PCDH9: variants seen among roughly 807,000 people sequenced by gnomAD.
PCDH9 encodes protocadherin 9, also known as protocadherin-9.
Under a neutral mutation model 70.6 loss-of-function variants are expected in PCDH9, and 24 were observed. That is an observed-to-expected ratio of 0.34 (90% CI 0.25 to 0.48). PCDH9 has a LOEUF of 0.48. Ranked by LOEUF, PCDH9 falls within the 20% of genes least tolerant of loss-of-function variation. The probability of loss-of-function intolerance (pLI) is 0.99; values close to 1 mark genes in which losing one functional copy is unlikely to be tolerated. For missense variants in PCDH9, 1,281 were observed against 1,503.6 expected (o/e 0.85, Z 2.45); for synonymous variants, 562 against 558.5 (o/e 1.01, Z -0.09).
chr13:67,038,370 T>C (rs2085048955), intron 2 of PCDH9, among the ~76,000 whole-genome samples: 1 of 152,180 alleles, frequency 6.6e-6, no homozygotes. Context: ...TTAAGATCAC[T>C]ATAGGCTTGA....
At chr13:67,188,047 G>A (rs1018629105) in intron 2 of PCDH9, among the ~76,000 whole-genome samples, 6 of 152,102 alleles carry the variant, frequency 3.9e-5, no homozygotes, top group African/African-American at 1.4e-4. Flanking sequence ...AATTTCAAGA[G>A]TATAATAGAA....
At chr13:67,063,409 G>A (rs2085577667) in intron 2 of PCDH9, among the ~76,000 whole-genome samples, 1 of 152,024 alleles carries the variant, frequency 6.6e-6, no homozygotes, top group South Asian at 2.1e-4. Flanking sequence ...TTGGGGAGGT[G>A]CTTTAACTAC....
At chr13:66,700,491 G>A (rs1004249478) in intron 3 of PCDH9, among the ~76,000 whole-genome samples, 1 of 152,122 alleles carries the variant, frequency 6.6e-6, no homozygotes, top group Admixed American at 6.6e-5. Flanking sequence ...GTAGCAGTCT[G>A]AGCCTATTAC....
intron 2 of PCDH9, among the ~76,000 whole-genome samples, chr13:67,199,296 T>C (rs1200540528): frequency 2.0e-5 from 3 of 151,786 alleles, no homozygotes; most frequent in Admixed American, 6.6e-5. Context: ...AAATTGAAGA[T>C]AAACTAAATT....
chr13:66,327,079 G>A (rs755005925), intron 4 of PCDH9, among the ~76,000 whole-genome samples: 2 of 151,742 alleles, frequency 1.3e-5, no homozygotes, highest in African/African-American at 2.4e-5. Context: ...TTTAAAATAC[G>A]CTTTTGTATA....
chr13:66,422,510 A>G (rs1211014684), intron 4 of PCDH9, among the ~76,000 whole-genome samples: 3 of 152,204 alleles, frequency 2.0e-5, no homozygotes, highest in Admixed American at 6.5e-5. Context: ...CTCATTAAAA[A>G]CTGCACAACT....
At chr13:66,561,800 AG>A (rs1316699393) in intron 4 of PCDH9, among the ~76,000 whole-genome samples, 1 of 152,108 alleles carries the variant, frequency 6.6e-6, no homozygotes, top group African/African-American at 2.4e-5. Context: ...ACCAATCAGC[AG>A]GATGTGGGTG....
At chr13:66,960,106 C>T (rs1484755842) in intron 2 of PCDH9, among the ~76,000 whole-genome samples, 6 of 152,102 alleles carry the variant, frequency 3.9e-5, no homozygotes, top group Non-Finnish European at 2.9e-5. Flanking sequence ...AAGAAAGATC[C>T]GTTTTTAAAT....
chr13:66,755,150 G>A (rs1373642037), intron 3 of PCDH9, among the ~76,000 whole-genome samples: 3 of 152,132 alleles, frequency 2.0e-5, no homozygotes, highest in African/African-American at 7.2e-5. Flanking sequence ...ATTTTGCTGA[G>A]CCTAGAGCTG....
intron 4 of PCDH9, among the ~76,000 whole-genome samples, chr13:66,327,434 G>C (rs1462433683): frequency 6.6e-6 from 1 of 152,170 alleles, no homozygotes; most frequent in East Asian, 1.9e-4. Context: ...GTAGAACTTT[G>C]AGAAGCAAAA....
At chr13:66,710,992 A>G (rs1457123170) in intron 3 of PCDH9, among the ~76,000 whole-genome samples, 1 of 152,130 alleles carries the variant, frequency 6.6e-6, no homozygotes, top group Non-Finnish European at 1.5e-5. Context: ...CACATCTCAT[A>G]GTCCATTTCC....
chr13:67,154,890 T>C lies in PCDH9; in HGVS notation c.3036+70515A>G, dbSNP rs184390100. 4.6e-5 allele frequency among the ~76,000 whole-genome samples: 7 copies of C among 151,872 alleles called. No individual in the cohort carries two copies. In the East Asian group the frequency reaches 7.8e-4, roughly 17 times the overall value. On this transcript the variant is annotated intron_variant, in intron 2 of 4. Coordinates refer to ENST00000377865, the MANE Select transcript of PCDH9 (RefSeq NM_203487.3). ...AGCAAATTTTTTGTATTTTTAGTAA[T>C]GCAAAAGAGACAGGGTTTTGCCATG...
At chr13:67,113,498 T>TC (rs1303452689) in intron 2 of PCDH9, among the ~76,000 whole-genome samples, 1 of 152,056 alleles carries the variant, frequency 6.6e-6, no homozygotes, top group African/African-American at 2.4e-5. Flanking sequence ...TTACTTTTTT[T>TC]CCCATATGGT....
At chr13:66,891,757 T>C (rs2082099598) in intron 3 of PCDH9, among the ~76,000 whole-genome samples, 1 of 152,252 alleles carries the variant, frequency 6.6e-6, no homozygotes, top group Admixed American at 6.5e-5. Flanking sequence ...ATATTTAGTA[T>C]ATTTTAAATG....
At chr13:66,565,457 C>T (rs964672938) in intron 4 of PCDH9, among the ~76,000 whole-genome samples, 1 of 152,154 alleles carries the variant, frequency 6.6e-6, no homozygotes, top group African/African-American at 2.4e-5. Context: ...GAATGAACTT[C>T]CTCAGTAGTG....
chr13:67,034,204 C>T (rs61959246), intron 2 of PCDH9, among the ~76,000 whole-genome samples: 2 of 152,000 alleles, frequency 1.3e-5, no homozygotes, highest in East Asian at 1.9e-4. Context: ...AGGCTGATCT[C>T]GAACTTCTGA....
At chr13:67,133,115 A>G (rs2087146752) in intron 2 of PCDH9, among the ~76,000 whole-genome samples, 1 of 152,120 alleles carries the variant, frequency 6.6e-6, no homozygotes, top group Non-Finnish European at 1.5e-5. Context: ...CTGTGCTCAT[A>G]CAATCTATGT....
chr13:66,771,887 A>T (rs2079814183), intron 3 of PCDH9, among the ~76,000 whole-genome samples: 1 of 152,234 alleles, frequency 6.6e-6, no homozygotes, highest in Admixed American at 6.5e-5. Context: ...TGCTAACATT[A>T]TGGTAGTATT....
At chr13:66,687,018 T>C (rs1338721084) in intron 3 of PCDH9, among the ~76,000 whole-genome samples, 1 of 152,178 alleles carries the variant, frequency 6.6e-6, no homozygotes, top group Non-Finnish European at 1.5e-5. Context: ...CGATTTACCT[T>C]ATAAAGTAGG....
Sources: gnomAD v4.1 joint callset for allele counts (sites outside exome capture counted in the v4.1 genomes callset) on GRCh38, gnomAD v4.1.1 for gene constraint, MANE v1.5 for transcripts, NCBI Gene and HGNC (gene_info 2026-07-23, HGNC 2026-07-21) for gene names.